Variants in CPNE4 observed in about 807,000 individuals in gnomAD.
CPNE4 encodes copine-4.
Under a neutral mutation model 67.9 loss-of-function variants are expected in CPNE4, and 25 were observed. The ratio of observed to expected loss-of-function variants is 0.37; its 90% confidence interval spans 0.27 to 0.51. The LOEUF (loss-of-function observed/expected upper bound fraction) is 0.51, where lower values mean the gene tolerates loss of function less well. Ranked by LOEUF, CPNE4 falls within the 20% of genes least tolerant of loss-of-function variation. The pLI, the probability that CPNE4 is intolerant of heterozygous loss-of-function variation, is 0.93. For synonymous variants in CPNE4, 242 were observed against 244.9 expected (o/e 0.99, Z 0.11); for missense variants, 464 against 690.8 (o/e 0.67, Z 3.68).
intron 1 of CPNE4, among the ~76,000 whole-genome samples, chr3:131,949,015 G>A (rs570423700): frequency 5.1e-4 from 77 of 152,294 alleles, no homozygotes; most frequent in African/African-American, 1.7e-3. Context: ...GCATGACGTT[G>A]AGACATTCAC....
intron 2 of CPNE4, among the ~76,000 whole-genome samples, chr3:131,785,097 T>C (rs959665209): frequency 6.6e-6 from 1 of 152,130 alleles, no homozygotes. Context: ...TGTGAGGACA[T>C]AGCAGACATA....
chr3:131,955,463 T>C (rs1360499966), intron 1 of CPNE4, among the ~76,000 whole-genome samples: 8 of 130,324 alleles, frequency 6.1e-5, no homozygotes, highest in African/African-American at 2.4e-4. Flanking sequence ...CTCAGCTGCC[T>C]CCTTCTCTCT....
intron 1 of CPNE4, among the ~76,000 whole-genome samples, chr3:131,971,536 T>C (rs1459810349): frequency 6.6e-6 from 1 of 152,224 alleles, no homozygotes; most frequent in Non-Finnish European, 1.5e-5. Flanking sequence ...GTAATTCCTT[T>C]ACAAGTTTAA....
intron 2 of CPNE4, among the ~76,000 whole-genome samples, chr3:131,738,234 G>C (rs763910001): frequency 2.0e-5 from 3 of 152,256 alleles, no homozygotes; most frequent in South Asian, 2.1e-4. Flanking sequence ...ATCGTAAGTA[G>C]CATCTTTAGA....
intron 2 of CPNE4, among the ~76,000 whole-genome samples, chr3:131,766,296 A>ACGTAGTATCGGGCACATAG (rs1553767496): frequency 6.6e-6 from 1 of 152,006 alleles, no homozygotes; most frequent in African/African-American, 2.4e-5. Context: ...AAAGTGTTTT[A>ACGTAGTATCGGGCACATAG]CAAGTACTCA....
chr3:131,566,549 C>T (rs1937068232), intron 10 of CPNE4, among the ~76,000 whole-genome samples: 1 of 151,840 alleles, frequency 6.6e-6, no homozygotes, highest in Admixed American at 6.6e-5. Flanking sequence ...GTGAAGAGCA[C>T]CTCAGGATCC....
chr3:131,610,095 C>T (rs919186027), intron 7 of CPNE4, among the ~76,000 whole-genome samples: 4 of 152,026 alleles, frequency 2.6e-5, no homozygotes, highest in Admixed American at 1.3e-4. Context: ...CAAACTTCCC[C>T]CTCTCCTTTC....
At chr3:131,976,901 AAGC>A (rs2072672542) in intron 1 of CPNE4, among the ~76,000 whole-genome samples, 1 of 151,968 alleles carries the variant, frequency 6.6e-6, no homozygotes, top group Non-Finnish European at 1.5e-5. Context: ...TCCAGGGTTC[AAGC>A]GATTCTCCTG....
At chr3:131,733,977 C>T (rs1260913211) in intron 2 of CPNE4, among the ~76,000 whole-genome samples, 1 of 152,232 alleles carries the variant, frequency 6.6e-6, no homozygotes, top group Non-Finnish European at 1.5e-5. Flanking sequence ...CCTCAACCCT[C>T]CTCACGATAG....
rs540451287 is a variant in CPNE4 at position 131,797,462 on chromosome 3, T to C, written c.181-73837A>G. 7.2e-5 allele frequency among the ~76,000 whole-genome samples: 11 copies of C among 152,258 alleles called. No individual in the cohort carries two copies. The East Asian group carries it at 1.7e-3, about 24-fold the overall frequency. ...CCAGAGTGTGGCCAAAAGTGTTCGC[T>C]AGAGATTCTACCAGAAACTGCACTT... is the stretch of plus-strand genomic sequence containing the variant. On this transcript the variant is annotated intron_variant, in intron 2 of 15. Transcript: ENST00000429747.
At chr3:131,831,050 T>C (rs2085350075) in intron 2 of CPNE4, among the ~76,000 whole-genome samples, 1 of 152,122 alleles carries the variant, frequency 6.6e-6, no homozygotes, top group Non-Finnish European at 1.5e-5. Context: ...AAAGTTATTT[T>C]ACCTAGGAGT....
chr3:131,909,912 C>A (rs1441316577), intron 1 of CPNE4, among the ~76,000 whole-genome samples: 1 of 151,082 alleles, frequency 6.6e-6, no homozygotes, highest in African/African-American at 2.5e-5. Context: ...TTTTTTAAAT[C>A]ATGGAATAAA....
chr3:132,018,223 G>A (rs1178597237), intron 1 of CPNE4, among the ~76,000 whole-genome samples: 2 of 152,192 alleles, frequency 1.3e-5, no homozygotes, highest in Non-Finnish European at 2.9e-5. Context: ...AGGAGTTCTT[G>A]ATGGGAAAAG....
intron 7 of CPNE4, among the ~76,000 whole-genome samples, chr3:131,657,738 GTGTGTT>G (rs1405785803): frequency 1.5e-5 from 2 of 137,628 alleles, no homozygotes; most frequent in South Asian, 2.3e-4. Context: ...GTGTGTGTGT[GTGTGTT>G]TAGTAGAAAC....
intron 1 of CPNE4, among the ~76,000 whole-genome samples, chr3:131,942,457 TGTGTGTGAGAGAGA>T (rs1331808350): frequency 9.8e-4 from 60 of 60,972 alleles, no homozygotes; most frequent in Admixed American, 1.8e-3. Context: ...TGTGTGTGTG[TGTGTGTGAGAGAGA>T]GAGAGAGAGA....
At chr3:132,002,880 A>G (rs1411960264) in intron 1 of CPNE4, among the ~76,000 whole-genome samples, 1 of 152,126 alleles carries the variant, frequency 6.6e-6, no homozygotes, top group Non-Finnish European at 1.5e-5. Flanking sequence ...GATCCCAATG[A>G]AGACAACAGC....
rs117161958 is a variant in CPNE4 at position 131,671,126 on chromosome 3, A to G, written c.592-1362T>C. Among the ~76,000 whole-genome samples, 8 of 152,314 alleles carry G rather than the reference A, an allele frequency of 5.3e-5. No individual in the cohort carries two copies. The East Asian group carries it at 1.4e-3, about 26-fold the overall frequency. On this transcript the variant is annotated intron_variant, in intron 6 of 15. Coordinates refer to ENST00000429747, the MANE Select transcript of CPNE4 (RefSeq NM_130808.3). ...TTAATTAATTATCTATCCAAATAAC[A>G]TAATTCTTTTATAAGTGATTCCCTC...
chr3:131,799,464 G>A (rs2084013027), intron 2 of CPNE4, among the ~76,000 whole-genome samples: 1 of 152,016 alleles, frequency 6.6e-6, no homozygotes, highest in African/African-American at 2.4e-5. Flanking sequence ...GGACTATGCT[G>A]GAAAAGATAA....
chr3:131,571,318 CTTTTCCTTCTATAT>C (rs1372274428), intron 10 of CPNE4, among the ~76,000 whole-genome samples: 1 of 151,922 alleles, frequency 6.6e-6, no homozygotes, highest in East Asian at 1.9e-4. Flanking sequence ...CATCAGGCCC[CTTTTCCTTCTATAT>C]TTTTCTCTTG....
Sources: allele counts gnomAD v4.1 joint callset (sites outside exome capture counted in the v4.1 genomes callset), GRCh38; gene constraint gnomAD v4.1.1; transcripts MANE v1.5; gene names NCBI Gene and HGNC (gene_info 2026-07-23, HGNC 2026-07-21).